MEIKIN: variants seen among roughly 807,000 people sequenced by gnomAD.
The protein encoded by MEIKIN is meiotic kinetochore factor.
At chr5:131,811,847 G>A (rs1772962826) in intron 12 of MEIKIN, among the ~76,000 whole-genome samples, 1 of 152,152 alleles carries the variant, frequency 6.6e-6, no homozygotes, top group African/African-American at 2.4e-5. Context: ...ACCCGCCTGG[G>A]CCTCCCAAAG....
intron 5 of MEIKIN, among the ~76,000 whole-genome samples, chr5:131,927,676 T>C (rs1561757434): frequency 6.6e-6 from 1 of 152,218 alleles, no homozygotes; most frequent in Non-Finnish European, 1.5e-5. Context: ...CTGTATATCT[T>C]CCTGGTGAAT....
chr5:131,887,966 T>A (rs1241121571), intron 8 of MEIKIN, among the ~76,000 whole-genome samples: 8 of 138,428 alleles, frequency 5.8e-5, no homozygotes, highest in African/African-American at 2.1e-4. Flanking sequence ...GGTGTTTGGT[T>A]TTTTGTCCTT....
At chr5:131,844,836 G>A (rs1382575825) in intron 11 of MEIKIN, among the ~76,000 whole-genome samples, 2 of 152,012 alleles carry the variant, frequency 1.3e-5, no homozygotes, top group Non-Finnish European at 2.9e-5. Flanking sequence ...GCATATACAA[G>A]GAAAGCTAGA....
chr5:131,893,575 C>T (rs1388192506), intron 8 of MEIKIN, among the ~76,000 whole-genome samples: 1 of 152,230 alleles, frequency 6.6e-6, no homozygotes, highest in Non-Finnish European at 1.5e-5. Flanking sequence ...TCAGCTCACG[C>T]ATGGTGTGCT....
chr5:131,909,716 T>C (rs931872820), intron 8 of MEIKIN, among the ~76,000 whole-genome samples: 1 of 151,930 alleles, frequency 6.6e-6, no homozygotes, highest in Non-Finnish European at 1.5e-5. Flanking sequence ...CACAACTCTA[T>C]AGGAAAAACA....
At chr5:131,898,052 G>T (rs887592276) in intron 8 of MEIKIN, among the ~76,000 whole-genome samples, 3 of 152,124 alleles carry the variant, frequency 2.0e-5, no homozygotes, top group Non-Finnish European at 4.4e-5. Context: ...ATCTACCTTT[G>T]GTCTTTGATG....
At chr5:131,825,384 C>T (rs1177981733) in intron 11 of MEIKIN, among the ~76,000 whole-genome samples, 1 of 152,152 alleles carries the variant, frequency 6.6e-6, no homozygotes, top group African/African-American at 2.4e-5. Context: ...CTCAGGGTTA[C>T]AGTTTATTAC....
chr5:131,932,621 GAATAT>G lies in MEIKIN; in HGVS notation c.478+887_478+891del, dbSNP rs201850094. 4.6e-5 allele frequency among the ~76,000 whole-genome samples: 7 copies of G among 152,344 alleles called. 1 individual carries two copies. The East Asian group carries it at 1.3e-3, about 29-fold the overall frequency. ...AATACTCCACCCATTACGAGGGTATGAATATAATACTACAGAGAAACGAATAATTG... is the reference window on the plus strand; with the variant it reads ...AATACTCCACCCATTACGAGGGTATGAATACTACAGAGAAACGAATAATTG... On this transcript the variant is annotated intron_variant, in intron 5 of 12. Transcript: ENST00000442687.
intron 8 of MEIKIN, among the ~76,000 whole-genome samples, chr5:131,891,595 T>C (rs962081714): frequency 6.6e-6 from 1 of 152,246 alleles, no homozygotes; most frequent in East Asian, 1.9e-4. Context: ...TCCCTTTATT[T>C]TGAGCCTATG....
chr5:131,882,122 T>C (rs1208271982), intron 8 of MEIKIN, among the ~76,000 whole-genome samples: 6 of 152,200 alleles, frequency 3.9e-5, no homozygotes, highest in African/African-American at 1.4e-4. Context: ...TCCTGGTATA[T>C]CTGCCTGTAA....
chr5:131,923,945 T>C (rs1186257353), intron 5 of MEIKIN, among the ~76,000 whole-genome samples: 4 of 152,174 alleles, frequency 2.6e-5, no homozygotes, highest in Non-Finnish European at 4.4e-5. Context: ...CTCCTACATG[T>C]GTAAGTGAAA....
chr5:131,921,881 G>A lies in MEIKIN; in HGVS notation c.539C>T (p.Thr180Ile). The A allele has an allele frequency of 2.5e-6, 1 of 398,920 alleles. No individual in the cohort carries two copies. The highest frequency in any genetic ancestry group is 1.3e-4 in the South Asian group (1 of 7,852). The allele number at this position is 398,920 out of a possible 1,614,324, so 24.7% of individuals were successfully genotyped here. A position where few individuals can be genotyped will look rare whatever the true frequency, so the allele number is the denominator to read the frequency against. Residue 180 changes from threonine (T) to isoleucine (I), a missense_variant, in exon 6 of 13, where the codon ACC becomes ATC. Physicochemically the swap from Thr to Ile is moderately conservative, Grantham distance 89 (BLOSUM62 -1). Coordinates refer to ENST00000442687, the MANE Select transcript of MEIKIN (RefSeq NM_001303622.2). ...CTTCTCTATCGCTACTGCTTTACTG[G>A]TATCCAGAAGAGTAGAATTCTTCCA... ...MQWKNSTLLD[T>I]SKAVAIEKAP...
rs182354548 is a variant in MEIKIN, at chr5:131,868,337, G to A, written c.774+10641C>T. On this transcript the variant is annotated intron_variant, in intron 9 of 12. Coordinates refer to ENST00000442687, the MANE Select transcript of MEIKIN (RefSeq NM_001303622.2). ...GGGCTAAGGCAATCCACTTGCCTCA[G>A]TCCCCCAAAATGTTGGGATTACAGG... is the stretch of plus-strand genomic sequence containing the variant. 1.0e-3 allele frequency among the ~76,000 whole-genome samples: 159 copies of A among 152,308 alleles called. 1 individual carries two copies. Among genetic ancestry groups the A allele is most frequent in the Middle Eastern group, 3.4e-3 (1 of 294 alleles).
chr5:131,924,147 C>T (rs1249457415), intron 5 of MEIKIN, among the ~76,000 whole-genome samples: 1 of 152,112 alleles, frequency 6.6e-6, no homozygotes, highest in Non-Finnish European at 1.5e-5. Flanking sequence ...CATGTTGTCA[C>T]AAATTGCAGG....
chr5:131,926,601 A>G (rs1276682170), intron 5 of MEIKIN, among the ~76,000 whole-genome samples: 1 of 152,168 alleles, frequency 6.6e-6, no homozygotes, highest in African/African-American at 2.4e-5. Flanking sequence ...AGAGTTTAAG[A>G]ATTAGAATTA....
In MEIKIN at chr5:131,878,763, T is replaced by G. The variant is rs569816014; in HGVS notation, c.774+215A>C. 1,264 of 340,598 alleles carry G rather than the reference T, an allele frequency of 3.7e-3. 5 individuals are homozygous for G. Among genetic ancestry groups the G allele is most frequent in the Non-Finnish European group, 5.4e-3 (1,040 of 191,532 alleles). The allele number at this position is 340,598 out of a possible 1,614,324, so 21.1% of individuals were successfully genotyped here. A position where few individuals can be genotyped will look rare whatever the true frequency, so the allele number is the denominator to read the frequency against. ...GTGCATGCATGCCTGTAGTTCCAGT[T>G]ACTCAGGGGGTTGAAACAGGAGAAC... On this transcript the variant is annotated intron_variant, in intron 9 of 12. Transcript: ENST00000442687.
At chr5:131,892,046 C>T (rs188464166) in intron 8 of MEIKIN, among the ~76,000 whole-genome samples, 1 of 152,066 alleles carries the variant, frequency 6.6e-6, no homozygotes, top group African/African-American at 2.4e-5. Flanking sequence ...TATTGGCCCC[C>T]ACTCTCTTCT....
chr5:131,831,722 C>T lies in MEIKIN; in HGVS notation c.976-12859G>A, dbSNP rs565939595. On this transcript the variant is annotated intron_variant, in intron 11 of 12. Coordinates refer to ENST00000442687, the MANE Select transcript of MEIKIN (RefSeq NM_001303622.2). ...GGGAAGAAAAACAGGTTTAACTGGA[C>T]TTACAGTGCCACATGGCTGGGGAGG... Among the ~76,000 whole-genome samples, 7 of 152,246 alleles carry T rather than the reference C, an allele frequency of 4.6e-5. No individual in the cohort carries two copies. The South Asian group carries it at 1.5e-3, about 32-fold the overall frequency.
At chr5:131,864,882 A>G (rs947326780) in intron 9 of MEIKIN, among the ~76,000 whole-genome samples, 5 of 152,208 alleles carry the variant, frequency 3.3e-5, no homozygotes, top group Non-Finnish European at 7.3e-5. Flanking sequence ...ATAGTGTTCC[A>G]TAGTTATGAA....
Sources: gnomAD v4.1 joint callset for allele counts (sites outside exome capture counted in the v4.1 genomes callset) on GRCh38, gnomAD v4.1.1 for gene constraint, MANE v1.5 for transcripts, NCBI Gene and HGNC (gene_info 2026-07-23, HGNC 2026-07-21) for gene names.